The following CLIP2 variants were observed in gnomAD, a reference collection of about 807,000 sequenced individuals.
CLIP2 encodes the protein CAP-Gly domain-containing linker protein 2.
In CLIP2, 41 loss-of-function variants were observed where a neutral mutation model predicts 111.7. That is an observed-to-expected ratio of 0.37 (90% CI 0.29 to 0.48). The LOEUF is 0.48. Ranked by LOEUF, CLIP2 falls within the 20% of genes least tolerant of loss-of-function variation. CLIP2 has a pLI of 0.99. For missense variants in CLIP2, 1,160 were observed against 1,422.1 expected (o/e 0.82, Z 2.96); for synonymous variants, 660 against 644.2 (o/e 1.02, Z -0.37).
intron 10 of CLIP2, 167 bp from the exon 11 acceptor site, chr7:74,380,639 T>C (rs973056480): frequency 1.5e-5 from 8 of 545,528 alleles, no homozygotes; most frequent in Non-Finnish European, 2.3e-5. Context: ...GAGGTCCGAC[T>C]GAGGACGTCT....
At chr7:74,315,042 G>A (rs1324181121) in intron 1 of CLIP2, among the ~76,000 whole-genome samples, 2 of 151,944 alleles carry the variant, frequency 1.3e-5, no homozygotes, top group Admixed American at 6.6e-5. Flanking sequence ...TTTGGGAGGC[G>A]AGGCGGGAGG....
At chr7:74,378,276 C>T (rs923267492) in intron 10 of CLIP2, among the ~76,000 whole-genome samples, 5 of 151,694 alleles carry the variant, frequency 3.3e-5, no homozygotes, top group Admixed American at 6.6e-5. Context: ...CACAGGTGTG[C>T]CCCACCACAC....
At position 74,332,166 on chromosome 7, in the gene CLIP2, C is replaced by G. The variant is rs934862926; in HGVS notation, c.122-6282C>G. Among the ~76,000 whole-genome samples, 13 of 151,934 alleles carry G rather than the reference C, an allele frequency of 8.6e-5. No homozygotes were observed. In the South Asian group the frequency reaches 2.5e-3, roughly 29 times the overall value. ...TCGGCTCACTGCAACCTCCGCCCCC[C>G]AGGTTCAAGTGATTCTCCTGCCTCA... On this transcript the variant is annotated intron_variant, in intron 2 of 16. Transcript: ENST00000223398.
At chr7:74,316,703 AG>A (rs779519399) in intron 1 of CLIP2, among the ~76,000 whole-genome samples, 5 of 152,092 alleles carry the variant, frequency 3.3e-5, no homozygotes, top group Admixed American at 6.6e-5. Flanking sequence ...CTGGGACTAC[AG>A]GCATGTGCTA....
intron 10 of CLIP2, 115 bp from the exon 11 acceptor site, chr7:74,380,691 A>T: frequency 1.3e-6 from 1 of 794,576 alleles, no homozygotes; most frequent in Non-Finnish European, 2.0e-6. Flanking sequence ...TCCGTCACTG[A>T]GGTCCCCCTT....
chr7:74,396,943 C>A, intron 13 of CLIP2, 131 bp from the exon 14 acceptor site: 1 of 1,176,528 alleles, frequency 8.5e-7, no homozygotes, highest in Non-Finnish European at 1.2e-6. Context: ...CCCCTCGTGG[C>A]ACAGATGCCA....
intron 13 of CLIP2, among the ~76,000 whole-genome samples, chr7:74,395,540 C>A (rs1178547350): frequency 6.6e-6 from 1 of 152,184 alleles, no homozygotes; most frequent in African/African-American, 2.4e-5. Flanking sequence ...GATCTGTCCT[C>A]CTCAGCCTCC....
chr7:74,306,551 G>T (rs899915856), intron 1 of CLIP2, among the ~76,000 whole-genome samples: 4 of 152,040 alleles, frequency 2.6e-5, no homozygotes, highest in African/African-American at 9.7e-5. Flanking sequence ...GTCCCCCTCC[G>T]CCGGGGCCCT....
In CLIP2 at chr7:74,362,528, C is replaced by CTTT. The variant is rs3044338; in HGVS notation, c.1320-1711_1320-1709dup. 7.4e-4 allele frequency among the ~76,000 whole-genome samples: 90 copies of CTTT among 121,928 alleles called. 2 individuals are homozygous for CTTT. The highest frequency in any genetic ancestry group is 1.0e-3 in the African/African-American group (32 of 31,998). The allele number at this position is 121,928 out of a possible 152,430, so 80.0% of individuals were successfully genotyped here. On this transcript the variant is annotated intron_variant, in intron 7 of 16. Coordinates refer to ENST00000223398, the MANE Select transcript of CLIP2 (RefSeq NM_003388.5). ...ACAGATCTTTTTTTCTTTTTCTTTT[C>CTTT]TTTTTTTTTTTTTTTTTTGTTTCTT...
At chr7:74,355,825 C>T (rs1554308380) in intron 4 of CLIP2, among the ~76,000 whole-genome samples, 1 of 152,226 alleles carries the variant, frequency 6.6e-6, no homozygotes, top group East Asian at 1.9e-4. Flanking sequence ...GTTTCTCTTT[C>T]AAGCTTTTGC....
chr7:74,343,022 C>T lies in CLIP2; in HGVS notation c.678+4018C>T, dbSNP rs1480313435. Among the ~76,000 whole-genome samples the T allele has an allele frequency of 1.2e-3, 164 of 140,954 alleles. 12 individuals are homozygous for T. Among genetic ancestry groups the T allele is most frequent in the Non-Finnish European group, 4.9e-4 (33 of 67,002 alleles). 92.5% of individuals were successfully genotyped at this position (140,954 alleles called of 152,430 possible). On this transcript the variant is annotated intron_variant, in intron 3 of 16. Transcript: ENST00000223398. ...TGCACTCCAGCCTGGATGACACAGC[C>T]AGACTCTGTCTCAAAAAAAAAAAAA...
At chr7:74,394,533 G>T (rs1456958671) in intron 13 of CLIP2, among the ~76,000 whole-genome samples, 1 of 151,954 alleles carries the variant, frequency 6.6e-6, no homozygotes, top group African/African-American at 2.4e-5. Flanking sequence ...CACAGGCGTG[G>T]GCCACCGCCC....
intron 1 of CLIP2, among the ~76,000 whole-genome samples, chr7:74,294,519 A>G (rs1201082789): frequency 6.6e-6 from 1 of 151,778 alleles, no homozygotes; most frequent in African/African-American, 2.4e-5. Context: ...CTCCCGATTC[A>G]TTTCCCTCCT....
At chr7:74,359,926 G>A (rs1396518314) in intron 6 of CLIP2, among the ~76,000 whole-genome samples, 1 of 152,236 alleles carries the variant, frequency 6.6e-6, no homozygotes, top group East Asian at 1.9e-4. Flanking sequence ...TTAGGCTCTT[G>A]TGGGTTGAGG....
chr7:74,388,627 T>G lies in CLIP2; in HGVS notation c.2564-476T>G, dbSNP rs1791188278. On this transcript the variant is annotated intron_variant, in intron 12 of 16. Transcript: ENST00000223398. ...TCTGGCCAACATGGTGAACCCCATC[T>G]CTACTAAATATACAGAAATTAGCCA... is the stretch of plus-strand genomic sequence containing the variant. The G allele has an allele frequency of 1.3e-5, 2 of 151,460 alleles. 1 individual carries two copies. Among genetic ancestry groups the G allele is most frequent in the Admixed American group, 1.3e-4 (2 of 15,150 alleles). 9.4% of individuals were successfully genotyped at this position (151,460 alleles called of 1,614,324 possible). A position where few individuals can be genotyped will look rare whatever the true frequency, so the allele number is the denominator to read the frequency against.
chr7:74,397,443 C>G (rs575801316), intron 14 of CLIP2, among the ~76,000 whole-genome samples: 14 of 152,144 alleles, frequency 9.2e-5, no homozygotes, highest in Non-Finnish European at 1.8e-4. Flanking sequence ...GCCTATGTGG[C>G]AGTCTGTGTG....
chr7:74,335,988 C>T (rs1218319111), intron 2 of CLIP2, among the ~76,000 whole-genome samples: 2 of 126,512 alleles, frequency 1.6e-5, no homozygotes, highest in Non-Finnish European at 3.5e-5. Flanking sequence ...GTGATCCGCC[C>T]GCCTCGGCCT....
chr7:74,324,860 T>A (rs1407554792), intron 2 of CLIP2, among the ~76,000 whole-genome samples: 1 of 143,328 alleles, frequency 7.0e-6, no homozygotes, highest in East Asian at 2.1e-4. Context: ...GAGTGACAGG[T>A]GGAAGAGCCA....
chr7:74,381,688 A>G (rs908669959), intron 11 of CLIP2: 3 of 451,462 alleles, frequency 6.6e-6, no homozygotes, highest in African/African-American at 6.0e-5. Flanking sequence ...CAGCTCCTTC[A>G]TTTATTCCAT....
Sources: gnomAD v4.1 joint callset for allele counts (sites outside exome capture counted in the v4.1 genomes callset) on GRCh38, gnomAD v4.1.1 for gene constraint, MANE v1.5 for transcripts, NCBI Gene and HGNC (gene_info 2026-07-23, HGNC 2026-07-21) for gene names.